Variants in ACTR3C observed in about 807,000 individuals in gnomAD.
The protein encoded by ACTR3C is actin related protein 3C.
Under a neutral mutation model 26.3 loss-of-function variants are expected in ACTR3C, and 18 were observed. The ratio of observed to expected loss-of-function variants is 0.68; its 90% CI spans 0.47 to 1.01. The LOEUF is 1.01. Among genes scored for constraint, ACTR3C ranks in the 50% least tolerant of loss-of-function variants. The pLI is 0.00. For missense variants in ACTR3C, 184 were observed against 250.7 expected (o/e 0.73, Z 1.80); for synonymous variants, 55 against 94.5 (o/e 0.58, Z 2.42).
At chr7:150,161,222 A>ATATATATATATATATATATATT in the ACTR3C span, among the ~76,000 whole-genome samples, 41 of 120,282 alleles carry the variant, frequency 3.4e-4, no homozygotes, top group African/African-American at 6.7e-4. Flanking sequence ...ATATATATAT[A>ATATATATATATATATATATATT]TATTTATTAT....
rs1563191802 is a variant in ACTR3C, at chr7:150,295,324, T to A, written c.-28A>T. ...TTTCTGCAAGATACTCTCTGTTTTC[T>A]GGTGTATTGAGTGGAGGTTCTGTCT... is the stretch of plus-strand genomic sequence containing the variant. On this transcript the variant is annotated 5_prime_UTR_variant, in exon 2 of 8. Transcript: ENST00000683684. 16 of 1,613,980 alleles carry A rather than the reference T, an allele frequency of 9.9e-6. No individual in the cohort carries two copies. Among genetic ancestry groups the A allele is most frequent in the Non-Finnish European group, 1.4e-5 (16 of 1,179,808 alleles).
the ACTR3C span, among the ~76,000 whole-genome samples, chr7:149,976,242 G>C: frequency 6.6e-6 from 1 of 152,084 alleles, no homozygotes; most frequent in South Asian, 2.1e-4. Flanking sequence ...TTTAATTTTT[G>C]GTTCAAGGGC....
the ACTR3C span, among the ~76,000 whole-genome samples, chr7:150,135,068 A>G: frequency 6.6e-6 from 1 of 152,222 alleles, no homozygotes; most frequent in Admixed American, 6.5e-5. Context: ...TGCTGGGATT[A>G]CAGGTGTGAG....
the ACTR3C span, among the ~76,000 whole-genome samples, chr7:149,964,176 C>T: frequency 4.2e-3 from 646 of 152,064 alleles, no homozygotes; most frequent in African/African-American, 0.015. Flanking sequence ...TGTGGTTTCA[C>T]GTGTGGCATC....
At chr7:149,949,460 C>T in the ACTR3C span, among the ~76,000 whole-genome samples, 18 of 147,618 alleles carry the variant, frequency 1.2e-4, 1 homozygote, top group East Asian at 1.9e-3. Flanking sequence ...ACCTCCCCCA[C>T]CCAACCTACA....
the ACTR3C span, among the ~76,000 whole-genome samples, chr7:149,954,441 C>G: frequency 0.077 from 11,673 of 152,108 alleles, 1,325 homozygotes; most frequent in African/African-American, 0.25. Flanking sequence ...CACTTCTGCA[C>G]ATATTTGGGG....
the ACTR3C span, among the ~76,000 whole-genome samples, chr7:150,174,702 C>G: frequency 1.4e-5 from 2 of 142,506 alleles, no homozygotes; most frequent in African/African-American, 6.1e-5. Context: ...ATTTGAGTAG[C>G]CTTACATCTA....
At chr7:150,197,855 C>CTCTCCCG in the ACTR3C span, among the ~76,000 whole-genome samples, 361 of 136,360 alleles carry the variant, frequency 2.6e-3, 5 homozygotes, top group East Asian at 0.027. Context: ...TCCCTCTCCC[C>CTCTCCCG]TCTCCCCTCT....
At chr7:150,267,877 T>A (rs1834159063) in intron 6 of ACTR3C, among the ~76,000 whole-genome samples, 2 of 152,202 alleles carry the variant, frequency 1.3e-5, no homozygotes, top group Non-Finnish European at 2.9e-5. Context: ...CAGCGATGGT[T>A]CCCTTCTGTA....
chr7:149,932,963 G>C, the ACTR3C span, among the ~76,000 whole-genome samples: 1 of 150,766 alleles, frequency 6.6e-6, no homozygotes, highest in Non-Finnish European at 1.5e-5. Context: ...AAGGGATGAG[G>C]ATCTTTGGGG....
At chr7:149,895,507 C>T in the ACTR3C span, among the ~76,000 whole-genome samples, 2 of 152,098 alleles carry the variant, frequency 1.3e-5, no homozygotes, top group South Asian at 4.1e-4. Flanking sequence ...ACGATAAAAA[C>T]ACACAATGTT....
the ACTR3C span, among the ~76,000 whole-genome samples, chr7:150,016,096 C>T: frequency 6.6e-6 from 1 of 152,028 alleles, no homozygotes; most frequent in Admixed American, 6.5e-5. Context: ...ACTCATCCCC[C>T]ACAGTGGGCC....
the ACTR3C span, among the ~76,000 whole-genome samples, chr7:150,077,830 GATTTCT>G: frequency 6.6e-6 from 1 of 152,216 alleles, no homozygotes; most frequent in African/African-American, 2.4e-5. Context: ...TCTGCACTAA[GATTTCT>G]TTCAATTGCC....
At chr7:150,258,532 C>T (rs1833393244) in intron 6 of ACTR3C, among the ~76,000 whole-genome samples, 1 of 152,154 alleles carries the variant, frequency 6.6e-6, no homozygotes, top group African/African-American at 2.4e-5. Flanking sequence ...CATGAATCTA[C>T]TCAAAGGTCA....
At chr7:150,037,845 G>A in the ACTR3C span, among the ~76,000 whole-genome samples, 6 of 91,496 alleles carry the variant, frequency 6.6e-5, no homozygotes, top group African/African-American at 1.2e-4. Context: ...CTCGCGGAGG[G>A]TGCCTCCGCC....
chr7:150,030,835 G>GC, the ACTR3C span, among the ~76,000 whole-genome samples: 6 of 152,116 alleles, frequency 3.9e-5, no homozygotes, highest in Admixed American at 3.3e-4. Context: ...ACCGCTGCAT[G>GC]CCCCTCAGCT....
At chr7:150,012,317 C>CTTTTTTTTTTT in the ACTR3C span, among the ~76,000 whole-genome samples, 75 of 131,258 alleles carry the variant, frequency 5.7e-4, 19 homozygotes, top group South Asian at 6.1e-3. Flanking sequence ...ATAAATGCAT[C>CTTTTTTTTTTT]TTTTTTTTTT....
intron 6 of ACTR3C, among the ~76,000 whole-genome samples, chr7:150,272,690 GTTTTTTT>G: frequency 8.8e-6 from 1 of 114,002 alleles, no homozygotes; most frequent in South Asian, 3.2e-4. Flanking sequence ...TGTTTTTTTG[GTTTTTTT>G]TTTTTTTTTT....
the ACTR3C span, among the ~76,000 whole-genome samples, chr7:150,216,984 C>CAAAA: frequency 8.5e-5 from 9 of 105,276 alleles, no homozygotes; most frequent in South Asian, 3.1e-4. Flanking sequence ...GACTCGGTCT[C>CAAAA]AAAAAAAAAA....
Sources: allele counts gnomAD v4.1 joint callset (sites outside exome capture counted in the v4.1 genomes callset), GRCh38; gene constraint gnomAD v4.1.1; transcripts MANE v1.5; gene names NCBI Gene and HGNC (gene_info 2026-07-23, HGNC 2026-07-21).